The following LDAH variants were observed in gnomAD, a reference collection of about 807,000 sequenced individuals.
The protein encoded by LDAH is lipid droplet associated hydrolase.
LDAH carries 26 observed loss-of-function variants against 29.6 expected under a neutral mutation model. The observed-to-expected ratio is 0.88, with a 90% CI of 0.64 to 1.22. The LOEUF (loss-of-function observed/expected upper bound fraction) is 1.22, where lower values mean the gene tolerates loss of function less well. Ranked by LOEUF, LDAH falls within the 50% of genes most tolerant of loss-of-function variation. LDAH has a pLI of 0.00. For missense variants in LDAH, 344 were observed against 387.3 expected, an observed-to-expected ratio of 0.89 and a Z score of 0.94; for synonymous variants, 117 against 133.0, an observed-to-expected ratio of 0.88 and a Z score of 0.83.
intron 3 of LDAH, among the ~76,000 whole-genome samples, chr2:20,779,205 GAAT>G (rs1252796227): frequency 2.0e-5 from 3 of 152,082 alleles, no homozygotes; most frequent in Admixed American, 6.6e-5. Flanking sequence ...GAAAGGCTAA[GAAT>G]AATATTTCAT....
chr2:20,782,060 G>A (rs1452743725), intron 3 of LDAH, among the ~76,000 whole-genome samples: 3 of 152,112 alleles, frequency 2.0e-5, no homozygotes, highest in Admixed American at 6.6e-5. Flanking sequence ...CTGGTTTTCC[G>A]TATCAGTGTT....
intron 5 of LDAH, among the ~76,000 whole-genome samples, chr2:20,709,640 C>A (rs949138944): frequency 4.6e-5 from 7 of 152,106 alleles, no homozygotes; most frequent in Non-Finnish European, 8.8e-5. Context: ...TATTACCCAG[C>A]AATTCCACCT....
intron 4 of LDAH, among the ~76,000 whole-genome samples, chr2:20,759,635 C>A (rs1268617693): frequency 6.6e-6 from 1 of 152,140 alleles, no homozygotes; most frequent in African/African-American, 2.4e-5. Context: ...CACAAACAGA[C>A]CTAGAAAGAA....
intron 4 of LDAH, among the ~76,000 whole-genome samples, chr2:20,753,696 C>T (rs76920221): frequency 1.3e-3 from 192 of 152,324 alleles, no homozygotes; most frequent in Middle Eastern, 3.4e-3. Context: ...AACAGGCATA[C>T]TCACGGCCTT....
intron 5 of LDAH, among the ~76,000 whole-genome samples, chr2:20,731,981 GTA>G (rs1300521781): frequency 6.6e-6 from 1 of 151,836 alleles, no homozygotes; most frequent in Non-Finnish European, 1.5e-5. Context: ...CTTCTGATCT[GTA>G]TATCTTTTAT....
intron 4 of LDAH, among the ~76,000 whole-genome samples, chr2:20,753,432 A>G (rs554273094): frequency 1.3e-5 from 2 of 152,322 alleles, no homozygotes; most frequent in African/African-American, 4.8e-5. Context: ...GGCTGATGGG[A>G]TACATTTTCA....
intron 6 of LDAH, among the ~76,000 whole-genome samples, chr2:20,695,476 G>A (rs1411266706): frequency 8.9e-5 from 13 of 146,708 alleles, no homozygotes; most frequent in African/African-American, 2.8e-4. Context: ...TTTTTGAGAC[G>A]GAGTCTCGCT....
intron 4 of LDAH, among the ~76,000 whole-genome samples, chr2:20,772,592 C>G (rs1669507435): frequency 6.6e-6 from 1 of 152,186 alleles, no homozygotes; most frequent in Non-Finnish European, 1.5e-5. Flanking sequence ...GTAATTATCT[C>G]TCCTTGAGTG....
intron 6 of LDAH, among the ~76,000 whole-genome samples, chr2:20,692,441 C>A (rs1663101141): frequency 6.6e-6 from 1 of 152,190 alleles, no homozygotes; most frequent in South Asian, 2.1e-4. Context: ...AACTCACTTT[C>A]AATGACATAG....
At chr2:20,757,613 C>A (rs890554874) in intron 4 of LDAH, among the ~76,000 whole-genome samples, 44 of 152,142 alleles carry the variant, frequency 2.9e-4, no homozygotes, top group African/African-American at 8.9e-4. Context: ...TTTGGTCAAA[C>A]AATTTGGATG....
chr2:20,760,873 G>C (rs999593575), intron 4 of LDAH, among the ~76,000 whole-genome samples: 2 of 152,152 alleles, frequency 1.3e-5, no homozygotes, highest in African/African-American at 2.4e-5. Context: ...CACTTATGGA[G>C]GGGATTACGT....
chr2:20,764,608 T>G lies in LDAH; in HGVS notation c.468+10202A>C, dbSNP rs183293633. 1.2e-3 allele frequency among the ~76,000 whole-genome samples: 187 copies of G among 152,352 alleles called. 2 individuals carry two copies. The highest frequency in any genetic ancestry group is 4.4e-3 in the African/African-American group (181 of 41,588). ...TCAGTTCTCTCTGAACTCCTCCCAA[T>G]GCATTCACCTGCTTCCTACTAAAAC... On this transcript the variant is annotated intron_variant, in intron 4 of 6. Coordinates refer to ENST00000237822, the MANE Select transcript of LDAH (RefSeq NM_021925.4).
chr2:20,790,490 C>T (rs1670873264), intron 2 of LDAH, 92 bp from the exon 3 acceptor site: 5 of 1,069,822 alleles, frequency 4.7e-6, no homozygotes, highest in Non-Finnish European at 6.8e-6. Flanking sequence ...TGTTTCTTTT[C>T]ACACTTTCCT....
intron 3 of LDAH, among the ~76,000 whole-genome samples, chr2:20,789,566 T>C (rs569798687): frequency 6.6e-6 from 1 of 152,356 alleles, no homozygotes; most frequent in East Asian, 1.9e-4. Context: ...CTTAGGTGTC[T>C]ATATGATTAG....
intron 3 of LDAH, among the ~76,000 whole-genome samples, chr2:20,786,835 T>A (rs114041345): frequency 0.03 from 4,576 of 152,298 alleles, 90 homozygotes; most frequent in Middle Eastern, 0.051. Flanking sequence ...GTTGGCTAAC[T>A]GCCCTTCCCC....
chr2:20,797,959 A>C (rs1572653797), intron 2 of LDAH, among the ~76,000 whole-genome samples: 1 of 152,330 alleles, frequency 6.6e-6, no homozygotes, highest in Non-Finnish European at 1.5e-5. Context: ...TCAGAATCTC[A>C]GAACAAAGAA....
At chr2:20,696,885 C>T (rs1663533721) in intron 6 of LDAH, among the ~76,000 whole-genome samples, 1 of 152,074 alleles carries the variant, frequency 6.6e-6, no homozygotes. Flanking sequence ...TTCTTACCTC[C>T]CCTCCCATCT....
At position 20,723,539 on chromosome 2, in the gene LDAH, A is replaced by G. The variant is rs533507446; in HGVS notation, c.703+16432T>C. On this transcript the variant is annotated intron_variant, in intron 5 of 6. Transcript: ENST00000237822. The stretch of plus-strand genomic sequence containing the variant: ...AGTAAATTTTTTCATCAGGGAATGT[A>G]CTCCATCCCACCTTTATTCCTACCC... Among the ~76,000 whole-genome samples the G allele has an allele frequency of 2.6e-5, 4 of 152,206 alleles. No homozygotes were observed. In the East Asian group the frequency reaches 5.8e-4, roughly 22 times the overall value.
intron 4 of LDAH, among the ~76,000 whole-genome samples, chr2:20,760,674 C>A (rs1178360168): frequency 6.6e-6 from 1 of 152,184 alleles, no homozygotes; most frequent in Non-Finnish European, 1.5e-5. Flanking sequence ...CAACTCCTTG[C>A]CATATAGGCC....
Sources: gnomAD v4.1 joint callset for allele counts (sites outside exome capture counted in the v4.1 genomes callset) on GRCh38, gnomAD v4.1.1 for gene constraint, MANE v1.5 for transcripts, NCBI Gene and HGNC (gene_info 2026-07-23, HGNC 2026-07-21) for gene names.